The following FHOD3 variants were observed in gnomAD, a reference collection of about 807,000 sequenced individuals.
FHOD3 encodes FH1/FH2 domain-containing protein 3.
A neutral mutation model predicts 173.0 loss-of-function variants in FHOD3; 90 were observed. The observed-to-expected ratio is 0.52, with a 90% CI of 0.44 to 0.62. The LOEUF is 0.62. Among genes scored for constraint, FHOD3 ranks in the 20% least tolerant of loss-of-function variants. FHOD3 has a pLI of 0.00. For missense variants in FHOD3, 1,945 were observed against 2,034.7 expected (o/e 0.96, Z 0.85); for synonymous variants, 828 against 823.0 (o/e 1.01, Z -0.10).
At chr18:36,336,865 A>AG (rs1246091885) in intron 1 of FHOD3, among the ~76,000 whole-genome samples, 2 of 148,654 alleles carry the variant, frequency 1.3e-5, no homozygotes, top group African/African-American at 5.0e-5. Context: ...AAAAAAAAAA[A>AG]AAAAAAAAAG....
chr18:36,392,671 A>G (rs2048359503), intron 3 of FHOD3, among the ~76,000 whole-genome samples: 1 of 152,194 alleles, frequency 6.6e-6, no homozygotes, highest in South Asian at 2.1e-4. Flanking sequence ...CAAGCAGGGT[A>G]TATCTCCTGC....
chr18:36,416,198 A>G (rs1332787734), intron 3 of FHOD3, among the ~76,000 whole-genome samples: 3 of 151,868 alleles, frequency 2.0e-5, no homozygotes, highest in Non-Finnish European at 2.9e-5. Flanking sequence ...ACGCCCAGCT[A>G]ATTTTTTTGT....
At chr18:36,546,990 C>A (rs1433023694) in intron 5 of FHOD3, among the ~76,000 whole-genome samples, 1 of 152,190 alleles carries the variant, frequency 6.6e-6, no homozygotes, top group Non-Finnish European at 1.5e-5. Flanking sequence ...CAGACTAGAG[C>A]ATCAATTCAC....
At chr18:36,619,701 A>G (rs891665686) in intron 9 of FHOD3, among the ~76,000 whole-genome samples, 5 of 152,250 alleles carry the variant, frequency 3.3e-5, no homozygotes, top group African/African-American at 1.2e-4. Context: ...ATCAGGCAAG[A>G]CCACTGCCCT....
chr18:36,621,038 T>A (rs1028696760), intron 9 of FHOD3, among the ~76,000 whole-genome samples: 5 of 152,218 alleles, frequency 3.3e-5, no homozygotes, highest in African/African-American at 1.2e-4. Flanking sequence ...CCCAATTTCC[T>A]GTAATTTAAC....
chr18:36,454,252 G>A (rs1319872571), intron 3 of FHOD3, among the ~76,000 whole-genome samples: 2 of 151,768 alleles, frequency 1.3e-5, no homozygotes, highest in Admixed American at 1.3e-4. Flanking sequence ...ACATGGGAGG[G>A]CATACACAGG....
At chr18:36,724,474 C>G (rs958272945) in intron 19 of FHOD3, among the ~76,000 whole-genome samples, 1 of 152,204 alleles carries the variant, frequency 6.6e-6, no homozygotes, top group Non-Finnish European at 1.5e-5. Flanking sequence ...GTCGCTGCCT[C>G]CCCTTCTCAG....
At chr18:36,441,338 G>A (rs2051136741) in intron 3 of FHOD3, among the ~76,000 whole-genome samples, 1 of 152,206 alleles carries the variant, frequency 6.6e-6, no homozygotes, top group Non-Finnish European at 1.5e-5. Flanking sequence ...GCTTTCTGAG[G>A]AGAAAGGGGT....
chr18:36,322,727 C>G (rs573325738), intron 1 of FHOD3, among the ~76,000 whole-genome samples: 17 of 152,292 alleles, frequency 1.1e-4, no homozygotes, highest in African/African-American at 3.4e-4. Flanking sequence ...CTTGTCCCTA[C>G]CTGCTGTCCA....
At chr18:36,402,537 A>ACACACT (rs1231253520) in intron 3 of FHOD3, among the ~76,000 whole-genome samples, 17 of 151,832 alleles carry the variant, frequency 1.1e-4, no homozygotes, top group African/African-American at 3.9e-4. Flanking sequence ...ACACACACAC[A>ACACACT]CACACACATA....
intron 4 of FHOD3, among the ~76,000 whole-genome samples, chr18:36,511,975 G>A (rs1167585017): frequency 6.6e-6 from 1 of 152,192 alleles, no homozygotes; most frequent in Non-Finnish European, 1.5e-5. Flanking sequence ...CCTTGCAAGA[G>A]CCTTTTCTGT....
chr18:36,686,969 C>T (rs1005180331), intron 15 of FHOD3, among the ~76,000 whole-genome samples, 159 bp from the exon 16 acceptor site: 1 of 152,150 alleles, frequency 6.6e-6, no homozygotes, highest in Admixed American at 6.5e-5. Flanking sequence ...TTTTGAAGTA[C>T]AGGCTTTAAA....
chr18:36,417,090 G>C (rs768531825), intron 3 of FHOD3, among the ~76,000 whole-genome samples: 1 of 152,050 alleles, frequency 6.6e-6, no homozygotes, highest in Non-Finnish European at 1.5e-5. Context: ...TTTAAGTTCA[G>C]GGAGTACGTG....
At chr18:36,476,326 C>T (rs1047158077) in intron 3 of FHOD3, among the ~76,000 whole-genome samples, 1 of 152,174 alleles carries the variant, frequency 6.6e-6, no homozygotes, top group Non-Finnish European at 1.5e-5. Context: ...GAAGGTGATG[C>T]CAGCAGAAGG....
chr18:36,637,329 A>T (rs558074790), intron 10 of FHOD3, among the ~76,000 whole-genome samples: 2 of 152,262 alleles, frequency 1.3e-5, no homozygotes, highest in East Asian at 3.9e-4. Flanking sequence ...TCTGAGACAG[A>T]GTCTTGCTCT....
intron 3 of FHOD3, among the ~76,000 whole-genome samples, chr18:36,468,080 GTGCTCCCATGCGAAGCTTC>G (rs1453714336): frequency 6.6e-6 from 1 of 152,162 alleles, no homozygotes; most frequent in Non-Finnish European, 1.5e-5. Context: ...CTGAAGTCAG[GTGCTCCCATGCGAAGCTTC>G]TGGGAGCCGA....
intron 14 of FHOD3, among the ~76,000 whole-genome samples, chr18:36,664,777 T>TGAGAGAGAGAGAGA (rs373836211): frequency 2.4e-3 from 316 of 129,510 alleles, no homozygotes; most frequent in Admixed American, 4.1e-3. Flanking sequence ...TGTGTGTATG[T>TGAGAGAGAGAGAGA]GAGAGAGAGA....
chr18:36,399,502 T>G (rs1180178193), intron 3 of FHOD3, among the ~76,000 whole-genome samples: 1 of 152,224 alleles, frequency 6.6e-6, no homozygotes, highest in Admixed American at 6.5e-5. Flanking sequence ...TGTAGCAGTC[T>G]GTCTTTGAGG....
intron 5 of FHOD3, among the ~76,000 whole-genome samples, chr18:36,554,598 C>A (rs1012404890): frequency 6.6e-6 from 1 of 151,954 alleles, no homozygotes; most frequent in Non-Finnish European, 1.5e-5. Flanking sequence ...CAAACCTGCA[C>A]GTTGTGCACA....
Sources: gnomAD v4.1 joint callset for allele counts (sites outside exome capture counted in the v4.1 genomes callset) on GRCh38, gnomAD v4.1.1 for gene constraint, MANE v1.5 for transcripts, NCBI Gene and HGNC (gene_info 2026-07-23, HGNC 2026-07-21) for gene names.